The following EGFL6 variants were observed in gnomAD, a reference collection of about 807,000 sequenced individuals.
EGFL6 encodes EGF like domain multiple 6.
EGFL6 carries 42 observed loss-of-function variants against 43.1 expected under a neutral mutation model. The ratio of observed to expected loss-of-function variants is 0.98; its 90% CI spans 0.76 to 1.26. EGFL6 has a LOEUF of 1.26. Ranked by LOEUF, EGFL6 falls within the 50% of genes most tolerant of loss-of-function variation. The pLI, the probability that EGFL6 is intolerant of heterozygous loss-of-function variation, is 0.00. For missense variants in EGFL6, 429 were observed against 427.8 expected, an observed-to-expected ratio of 1.00 and a Z score of -0.02; for synonymous variants, 164 against 163.2, an observed-to-expected ratio of 1.01 and a Z score of -0.04.
At chrX:13,581,161 G>A (rs948212363) in intron 1 of EGFL6, among the ~76,000 whole-genome samples, 3 of 112,090 alleles carry the variant, frequency 2.7e-5, no homozygotes, top group Non-Finnish European at 3.8e-5. Context: ...AGGAAGCAAT[G>A]GAAAGTTCCA....
At chrX:13,575,340 G>C (rs1400034325) in intron 1 of EGFL6, among the ~76,000 whole-genome samples, 2 of 111,842 alleles carry the variant, frequency 1.8e-5, no homozygotes, top group Non-Finnish European at 3.8e-5. Context: ...TGAGGCAGGA[G>C]AATCACTTGA....
At chrX:13,577,436 G>GGC (rs1238146969) in intron 1 of EGFL6, among the ~76,000 whole-genome samples, 1 of 99,597 alleles carries the variant, frequency 1.0e-5, no homozygotes, top group Non-Finnish European at 2.0e-5. Flanking sequence ...GTTTATATAG[G>GGC]GTGTATATAT....
At chrX:13,605,781 C>A (rs772260435) in intron 5 of EGFL6, among the ~76,000 whole-genome samples, 1 of 111,976 alleles carries the variant, frequency 8.9e-6, no homozygotes, top group Admixed American at 9.5e-5. Flanking sequence ...AGGAACAACA[C>A]ACCTATTGTT....
chrX:13,617,637 A>G (rs1303507659), intron 7 of EGFL6, 93 bp from the exon 8 acceptor site: 10 of 765,443 alleles, frequency 1.3e-5, no homozygotes, highest in East Asian at 3.2e-5. Flanking sequence ...GGAAGCATTC[A>G]CTTACTACAC....
At chrX:13,578,489 T>C (rs985967640) in intron 1 of EGFL6, among the ~76,000 whole-genome samples, 17 of 107,802 alleles carry the variant, frequency 1.6e-4, no homozygotes, top group African/African-American at 5.4e-4. Context: ...CGTATGTTTA[T>C]TGCAGCACTA....
rs1349725201 is a variant in EGFL6, at chrX:13,569,753, G to T, written c.-109G>T. ...GCACCCGGTAACTGCGAGTGGAGCG[G>T]AGGACCCGAGCGGCTGAGGAGAGAG... is the stretch of plus-strand genomic sequence containing the variant. On this transcript the variant is annotated 5_prime_UTR_variant, in exon 1 of 12. Transcript: ENST00000361306. 9.1e-6 allele frequency: 7 copies of T among 768,171 alleles called. No homozygotes were observed. The highest frequency in any genetic ancestry group is 1.4e-5 in the Non-Finnish European group (7 of 510,401). The allele number at this position is 768,171 out of a possible 1,213,427, so 63.3% of individuals were successfully genotyped here.
intron 1 of EGFL6, among the ~76,000 whole-genome samples, chrX:13,574,510 C>T (rs1190945899): frequency 8.9e-6 from 1 of 111,820 alleles, no homozygotes; most frequent in Non-Finnish European, 1.9e-5. Context: ...TGTTGAAGCC[C>T]TAACCCCACT....
chrX:13,592,308 A>C (rs909508224), intron 2 of EGFL6, among the ~76,000 whole-genome samples: 7 of 111,926 alleles, frequency 6.3e-5, no homozygotes, highest in African/African-American at 2.3e-4. Flanking sequence ...CTGGAAATTA[A>C]ATTCTCTCTC....
chrX:13,586,710 C>A (rs2045535643), intron 1 of EGFL6, among the ~76,000 whole-genome samples: 1 of 111,892 alleles, frequency 8.9e-6, no homozygotes, highest in Non-Finnish European at 1.9e-5. Context: ...TATGACCCAA[C>A]AATTCCACTC....
At chrX:13,595,322 A>G (rs949925052) in intron 3 of EGFL6, among the ~76,000 whole-genome samples, 3 of 111,907 alleles carry the variant, frequency 2.7e-5, no homozygotes, top group African/African-American at 9.7e-5. Context: ...CAGCAGTGCA[A>G]AAAAATATAA....
chrX:13,579,884 G>A lies in EGFL6; in HGVS notation c.75-9672G>A, dbSNP rs1220262583. Among the ~76,000 whole-genome samples, 27 of 110,973 alleles carry A rather than the reference G, an allele frequency of 2.4e-4. No individual in the cohort carries two copies. The Admixed American group carries it at 2.6e-3, about 11-fold the overall frequency. The stretch of plus-strand genomic sequence containing the variant: ...CTCTCTATGTGGACCTCTCCACAGG[G>A]CTGCTTGAATGTTCTCACAACTGTT... On this transcript the variant is annotated intron_variant, in intron 1 of 11. Coordinates refer to ENST00000361306, the MANE Select transcript of EGFL6 (RefSeq NM_015507.4).
At chrX:13,601,266 T>C (rs944942313) in intron 4 of EGFL6, among the ~76,000 whole-genome samples, 9 of 111,716 alleles carry the variant, frequency 8.1e-5, no homozygotes, top group African/African-American at 2.9e-4. Flanking sequence ...TTAGTGATAC[T>C]TGTTGGAAAT....
intron 1 of EGFL6, among the ~76,000 whole-genome samples, chrX:13,584,536 C>T (rs188702911): frequency 8.9e-6 from 1 of 111,884 alleles, no homozygotes; most frequent in Admixed American, 9.5e-5. Context: ...ACTTCCTACT[C>T]AACACCTCTT....
intron 10 of EGFL6, among the ~76,000 whole-genome samples, chrX:13,625,410 T>G (rs182337205): frequency 2.7e-5 from 3 of 110,928 alleles, no homozygotes; most frequent in Non-Finnish European, 5.7e-5. Context: ...CGGTGGCTCA[T>G]GTATGTAATC....
In EGFL6 at chrX:13,594,920, G is replaced by A. The variant is rs905629312; in HGVS notation, c.272G>A (p.Cys91Tyr). ...RCFPGYTGKTCSQDVNECGMK... is the reference protein window; with the variant it reads ...RCFPGYTGKTYSQDVNECGMK... ...TTTCCAGGATACACCGGGAAAACCTGCAGTCAAGGTCAGTAAGGTAGCCCA... is the reference window on the plus strand; with the variant it reads ...TTTCCAGGATACACCGGGAAAACCTACAGTCAAGGTCAGTAAGGTAGCCCA... Residue 91 changes from cysteine to tyrosine, a missense_variant, in exon 3 of 12, where the codon TGC becomes TAC. Coordinates refer to ENST00000361306, the MANE Select transcript of EGFL6 (RefSeq NM_015507.4). 4.1e-6 allele frequency: 5 copies of A among 1,206,141 alleles called. No individual in the cohort carries two copies. The South Asian group carries it at 7.1e-5, about 17-fold the overall frequency.
chrX:13,607,041 G>T (rs1309035149), intron 6 of EGFL6, among the ~76,000 whole-genome samples: 1 of 111,768 alleles, frequency 8.9e-6, no homozygotes, highest in Non-Finnish European at 1.9e-5. Flanking sequence ...CAAATATAAT[G>T]TTCCCTTTCC....
At position 13,569,882 on chromosome X, in the gene EGFL6, T is replaced by C; in HGVS notation, c.21T>C (p.Leu7=). The C allele has an allele frequency of 8.3e-7, 1 of 1,212,049 alleles. No individual in the cohort carries two copies. The highest frequency in any genetic ancestry group is 1.1e-6 in the Non-Finnish European group (1 of 895,435). The change falls in exon 1 of 12, where the codon CTT becomes CTC. Residue 7 remains leucine, a synonymous_variant. Transcript: ENST00000361306. The part of the protein sequence containing the change: MPLPWS[L]ALPLLLSWVA... The stretch of plus-strand genomic sequence containing the variant: ...CGAGAATGCCTCTGCCCTGGAGCCT[T>C]GCGCTCCCGCTGCTGCTCTCCTGGG...
At chrX:13,621,717 G>C (rs1020153407) in intron 9 of EGFL6, among the ~76,000 whole-genome samples, 51 of 112,607 alleles carry the variant, frequency 4.5e-4, no homozygotes, top group African/African-American at 1.6e-3. Context: ...CACACAGAGA[G>C]CTGTGAGTGT....
chrX:13,631,623 TA>T (rs1246181117), intron 11 of EGFL6, among the ~76,000 whole-genome samples: 12 of 109,445 alleles, frequency 1.1e-4, no homozygotes, highest in Admixed American at 9.8e-4. Flanking sequence ...ACTAAAAATT[TA>T]AAAAATTTAA....
Sources: gnomAD v4.1 joint callset for allele counts (sites outside exome capture counted in the v4.1 genomes callset) on GRCh38, gnomAD v4.1.1 for gene constraint, MANE v1.5 for transcripts, NCBI Gene and HGNC (gene_info 2026-07-23, HGNC 2026-07-21) for gene names.